GPC6: variants seen among roughly 807,000 people sequenced by gnomAD.
GPC6 encodes the protein glypican-6.
Under a neutral mutation model 55.2 loss-of-function variants are expected in GPC6, and 14 were observed. That is an observed-to-expected ratio of 0.25 (90% CI 0.17 to 0.40). The LOEUF is 0.40. Among genes scored for constraint, GPC6 ranks in the 10% least tolerant of loss-of-function variants. The pLI is 1.00. For missense variants in GPC6, 641 were observed against 708.5 expected (o/e 0.90, Z 1.08); for synonymous variants, 278 against 259.6 (o/e 1.07, Z -0.68).
chr13:93,306,439 A>T (rs1878859234), intron 1 of GPC6, among the ~76,000 whole-genome samples: 1 of 152,130 alleles, frequency 6.6e-6, no homozygotes, highest in African/African-American at 2.4e-5. Flanking sequence ...ACATTTAGAA[A>T]GCCCTTTTAT....
rs115682422 is a variant in GPC6 at position 94,012,005 on chromosome 13, C to G, written c.712-15724C>G. Among the ~76,000 whole-genome samples the G allele has an allele frequency of 4.3e-3, 648 of 152,230 alleles. 8 individuals carry two copies. The highest frequency in any genetic ancestry group is 0.015 in the African/African-American group (620 of 41,546). ...GAAGAAGAACATTTTTTTCTTGATG[C>G]AGTGCTGTCTTTTTTTCTCCTTTCA... On this transcript the variant is annotated intron_variant, in intron 3 of 8. Coordinates refer to ENST00000377047, the MANE Select transcript of GPC6 (RefSeq NM_005708.5).
At chr13:93,483,565 T>C (rs973608469) in intron 1 of GPC6, among the ~76,000 whole-genome samples, 12 of 152,170 alleles carry the variant, frequency 7.9e-5, no homozygotes, top group Admixed American at 7.9e-4. Context: ...TTGCAGGCTT[T>C]ATGCTATCCT....
intron 3 of GPC6, among the ~76,000 whole-genome samples, chr13:93,955,254 CA>C (rs1651907149): frequency 7.0e-6 from 1 of 142,742 alleles, no homozygotes; most frequent in Non-Finnish European, 1.5e-5. Flanking sequence ...CACACACACA[CA>C]CACACACACA....
chr13:94,327,285 G>T (rs1877172652), intron 6 of GPC6, among the ~76,000 whole-genome samples: 1 of 152,152 alleles, frequency 6.6e-6, no homozygotes, highest in African/African-American at 2.4e-5. Flanking sequence ...GGCGGACGGG[G>T]CTTGGAGACT....
intron 1 of GPC6, among the ~76,000 whole-genome samples, chr13:93,287,612 T>C (rs1322356518): frequency 6.6e-6 from 1 of 152,212 alleles, no homozygotes; most frequent in Non-Finnish European, 1.5e-5. Context: ...ATTAGGAATG[T>C]AGCACATATT....
intron 4 of GPC6, among the ~76,000 whole-genome samples, chr13:94,183,659 G>C (rs1368726152): frequency 1.3e-5 from 2 of 152,126 alleles, no homozygotes; most frequent in Non-Finnish European, 2.9e-5. Context: ...CACAGTGACT[G>C]TATCATCATA....
chr13:93,951,928 G>T (rs1442768891), intron 3 of GPC6, among the ~76,000 whole-genome samples: 3 of 151,998 alleles, frequency 2.0e-5, no homozygotes, highest in Non-Finnish European at 2.9e-5. Context: ...TGTTTTAAAG[G>T]TTTGTTTCTG....
intron 4 of GPC6, among the ~76,000 whole-genome samples, chr13:94,109,650 G>T (rs746142774): frequency 1.7e-4 from 26 of 152,030 alleles, no homozygotes; most frequent in Non-Finnish European, 3.5e-4. Context: ...GAGTCTTTTC[G>T]AATGTAGTCA....
chr13:94,325,568 A>G (rs966467304), intron 6 of GPC6, among the ~76,000 whole-genome samples: 3 of 152,246 alleles, frequency 2.0e-5, no homozygotes, highest in Non-Finnish European at 2.9e-5. Flanking sequence ...GATTAGGAGT[A>G]AAAGCTATGG....
chr13:94,292,201 C>T (rs753304073), intron 5 of GPC6, among the ~76,000 whole-genome samples: 5 of 152,150 alleles, frequency 3.3e-5, no homozygotes, highest in African/African-American at 4.8e-5. Flanking sequence ...CAAGGTCTCA[C>T]GGTGCAAAGG....
At chr13:93,251,832 A>G (rs1053337523) in intron 1 of GPC6, among the ~76,000 whole-genome samples, 5 of 152,232 alleles carry the variant, frequency 3.3e-5, no homozygotes, top group South Asian at 4.1e-4. Flanking sequence ...AGAAGCTCTA[A>G]TAGAACTTTA....
the GPC6 span, among the ~76,000 whole-genome samples, chr13:93,219,612 G>A: frequency 1.6e-4 from 25 of 152,084 alleles, no homozygotes; most frequent in East Asian, 3.3e-3. Context: ...AGTATCTATG[G>A]TAATTTACAA....
intron 2 of GPC6, among the ~76,000 whole-genome samples, chr13:93,551,977 T>C (rs1231750127): frequency 6.6e-6 from 1 of 152,162 alleles, no homozygotes; most frequent in African/African-American, 2.4e-5. Flanking sequence ...TAAATAGATG[T>C]AATATTTCTG....
intron 4 of GPC6, among the ~76,000 whole-genome samples, chr13:94,084,024 A>G (rs1885197894): frequency 6.6e-6 from 1 of 152,222 alleles, no homozygotes; most frequent in South Asian, 2.1e-4. Flanking sequence ...TTCATTACCA[A>G]TGACTTGAAC....
At chr13:93,525,631 C>A (rs1881616345) in intron 1 of GPC6, among the ~76,000 whole-genome samples, 1 of 151,974 alleles carries the variant, frequency 6.6e-6, no homozygotes, top group Non-Finnish European at 1.5e-5. Context: ...TGTTCAGGAG[C>A]CATTCTTTTT....
intron 4 of GPC6, among the ~76,000 whole-genome samples, chr13:94,223,324 C>T (rs1890444521): frequency 6.6e-6 from 1 of 152,062 alleles, no homozygotes; most frequent in African/African-American, 2.4e-5. Context: ...TATGAAGATG[C>T]AGAGAATGAA....
intron 2 of GPC6, among the ~76,000 whole-genome samples, chr13:93,784,165 G>A (rs187050252): frequency 6.6e-6 from 1 of 152,220 alleles, no homozygotes; most frequent in Non-Finnish European, 1.5e-5. Flanking sequence ...CAGGGTGGGG[G>A]TATGGATTGA....
chr13:94,177,419 G>C (rs961791348), intron 4 of GPC6, among the ~76,000 whole-genome samples: 1 of 151,348 alleles, frequency 6.6e-6, no homozygotes, highest in Non-Finnish European at 1.5e-5. Flanking sequence ...TATATAAAAA[G>C]CTCCTACATA....
chr13:93,731,406 A>G (rs1883814540), intron 2 of GPC6, among the ~76,000 whole-genome samples: 1 of 152,128 alleles, frequency 6.6e-6, no homozygotes, highest in Non-Finnish European at 1.5e-5. Flanking sequence ...TGAACAGAGC[A>G]CCTAGCTTCT....
Sources: gnomAD v4.1 joint callset for allele counts (sites outside exome capture counted in the v4.1 genomes callset) on GRCh38, gnomAD v4.1.1 for gene constraint, MANE v1.5 for transcripts, NCBI Gene and HGNC (gene_info 2026-07-23, HGNC 2026-07-21) for gene names.